SORCS2: variants seen among roughly 807,000 people sequenced by gnomAD.
SORCS2 encodes the protein VPS10 domain-containing receptor SorCS2.
In SORCS2, 100 loss-of-function variants were observed where a neutral mutation model predicts 141.6. The observed-to-expected ratio is 0.71, with a 90% confidence interval of 0.60 to 0.83. The LOEUF (loss-of-function observed/expected upper bound fraction) is 0.83. Among genes scored for constraint, SORCS2 ranks in the 40% least tolerant of loss-of-function variants. The pLI is 0.00. For synonymous variants in SORCS2, 789 were observed against 676.9 expected, an observed-to-expected ratio of 1.17 and a Z score of -2.57; for missense variants, 1,646 against 1,560.2, an observed-to-expected ratio of 1.05 and a Z score of -0.93.
At chr4:7,222,367 C>A (rs527914985) in intron 1 of SORCS2, among the ~76,000 whole-genome samples, 76 of 152,274 alleles carry the variant, frequency 5.0e-4, no homozygotes, top group Non-Finnish European at 9.0e-4. Context: ...GACACTCAGT[C>A]AAAGAAGCCA....
chr4:7,389,670 G>A (rs988281458), intron 1 of SORCS2, among the ~76,000 whole-genome samples: 1 of 152,078 alleles, frequency 6.6e-6, no homozygotes, highest in African/African-American at 2.4e-5. Flanking sequence ...GTCAGGGAAG[G>A]CTTCTAGGAG....
At chr4:7,440,767 G>T (rs1453218325) in intron 2 of SORCS2, among the ~76,000 whole-genome samples, 3 of 152,176 alleles carry the variant, frequency 2.0e-5, no homozygotes. Context: ...CCCTCTCTGG[G>T]GCCCAGCTTC....
In SORCS2 at chr4:7,728,432, G is replaced by C. The variant is rs755786026; in HGVS notation, c.2952G>C (p.Val984=). The change falls in exon 22 of 27, where the codon GTG becomes GTC. Residue 984 remains valine (V), a synonymous_variant. Transcript: ENST00000507866. ...NPNTPEWRED[V]GLVVTRLLSK... ...ACACCCCTGAGTGGAGGGAAGACGT[G>C]GGCCTGGTGGTCACCCGGCTGCTCT... The C allele has an allele frequency of 7.4e-6, 12 of 1,613,476 alleles. No homozygotes were observed. The South Asian group carries it at 1.3e-4, about 18-fold the overall frequency.
chr4:7,466,329 C>T (rs960748815), intron 2 of SORCS2, among the ~76,000 whole-genome samples: 1 of 152,032 alleles, frequency 6.6e-6, no homozygotes, highest in Non-Finnish European at 1.5e-5. Flanking sequence ...CGGGATTCCA[C>T]GGGGGAGGGT....
intron 3 of SORCS2, among the ~76,000 whole-genome samples, chr4:7,551,936 G>T (rs76695643): frequency 2.0e-5 from 3 of 152,306 alleles, no homozygotes; most frequent in African/African-American, 7.2e-5. Flanking sequence ...GTAATTGTGT[G>T]TCGTAATCGG....
chr4:7,543,759 CCCACCCATCCGTCCATCCATCCACTCAT>C (rs1712950839), intron 3 of SORCS2, among the ~76,000 whole-genome samples: 1 of 36,534 alleles, frequency 2.7e-5, no homozygotes. Flanking sequence ...CACCCATCCA[CCCACCCATCCGTCCATCCATCCACTCAT>C]CCATCCATCC....
chr4:7,278,413 G>A (rs1715654385), intron 1 of SORCS2, among the ~76,000 whole-genome samples: 1 of 152,146 alleles, frequency 6.6e-6, no homozygotes, highest in Non-Finnish European at 1.5e-5. Context: ...AGGGGGTGGG[G>A]GGCAGACTAT....
intron 3 of SORCS2, among the ~76,000 whole-genome samples, chr4:7,617,530 T>C (rs1718846691): frequency 6.6e-6 from 1 of 152,196 alleles, no homozygotes; most frequent in African/African-American, 2.4e-5. Context: ...ACTCTGAAAC[T>C]ACTATCCTGA....
chr4:7,546,237 G>A (rs1260143960), intron 3 of SORCS2, among the ~76,000 whole-genome samples: 1 of 152,140 alleles, frequency 6.6e-6, no homozygotes, highest in African/African-American at 2.4e-5. Context: ...ACAGCTCAGA[G>A]GCATCCAGGG....
chr4:7,620,811 G>A (rs1719114106), intron 3 of SORCS2, among the ~76,000 whole-genome samples: 1 of 152,210 alleles, frequency 6.6e-6, no homozygotes, highest in South Asian at 2.1e-4. Flanking sequence ...AGGGTCTCAC[G>A]GTGGGGGGTC....
At chr4:7,566,300 ATGG>A (rs1202963771) in intron 3 of SORCS2, among the ~76,000 whole-genome samples, 1 of 150,088 alleles carries the variant, frequency 6.7e-6, no homozygotes, top group Non-Finnish European at 1.5e-5. Flanking sequence ...GTTAATGGTG[ATGG>A]TGATGATGGT....
At chr4:7,739,467 T>A (rs1044709153) in intron 26 of SORCS2, among the ~76,000 whole-genome samples, 10 of 152,138 alleles carry the variant, frequency 6.6e-5, no homozygotes, top group Admixed American at 6.5e-4. Flanking sequence ...GGTAGTAAGA[T>A]TCATGCAGCC....
At chr4:7,613,522 C>A (rs1718558013) in intron 3 of SORCS2, among the ~76,000 whole-genome samples, 1 of 152,166 alleles carries the variant, frequency 6.6e-6, no homozygotes, top group Non-Finnish European at 1.5e-5. Flanking sequence ...GCACTCTGGG[C>A]CCCATGTGAG....
rs747628217 is a variant in SORCS2 at position 7,676,035 on chromosome 4, T to C, written c.1162-15T>C. 6.4e-7 allele frequency: 1 copy of C among 1,568,076 alleles called. No homozygotes were observed. ...AGCCTGGCTCTGACCCTGTGCTCCC[T>C]GCACATCCCCACAGGATCTGCAGAT... is the stretch of plus-strand genomic sequence containing the variant. On this transcript the variant is annotated splice_polypyrimidine_tract_variant and intron_variant, in intron 8 of 26. Coordinates refer to ENST00000507866, the MANE Select transcript of SORCS2 (RefSeq NM_020777.3).
At chr4:7,646,040 G>A (rs555773625) in intron 4 of SORCS2, among the ~76,000 whole-genome samples, 4 of 152,350 alleles carry the variant, frequency 2.6e-5, no homozygotes, top group South Asian at 2.1e-4. Context: ...GTGTTCATTC[G>A]GTCAGCAAAT....
intron 3 of SORCS2, among the ~76,000 whole-genome samples, chr4:7,637,622 G>C (rs1057120274): frequency 2.0e-5 from 3 of 152,242 alleles, no homozygotes; most frequent in African/African-American, 4.8e-5. Flanking sequence ...CACTGAGCCA[G>C]CTGGGTTTGG....
chr4:7,485,055 G>C (rs969474851), intron 2 of SORCS2, among the ~76,000 whole-genome samples: 10 of 152,218 alleles, frequency 6.6e-5, no homozygotes, highest in Non-Finnish European at 1.3e-4. Flanking sequence ...CGTTTGTTGA[G>C]TGAATGAACA....
intron 1 of SORCS2, among the ~76,000 whole-genome samples, chr4:7,303,734 C>G (rs951367807): frequency 1.3e-5 from 2 of 152,282 alleles, no homozygotes; most frequent in African/African-American, 4.8e-5. Flanking sequence ...TCAGTCATCA[C>G]TTGCTGAATT....
intron 7 of SORCS2, among the ~76,000 whole-genome samples, chr4:7,666,805 T>G (rs1722531136): frequency 6.6e-6 from 1 of 152,114 alleles, no homozygotes; most frequent in South Asian, 2.1e-4. Context: ...AACGAGCGCA[T>G]CTTTGGCCTG....
Sources: allele counts gnomAD v4.1 joint callset (sites outside exome capture counted in the v4.1 genomes callset), GRCh38; gene constraint gnomAD v4.1.1; transcripts MANE v1.5; gene names NCBI Gene and HGNC (gene_info 2026-07-23, HGNC 2026-07-21).